LSAMP: variants seen among roughly 807,000 people sequenced by gnomAD.
LSAMP encodes limbic system-associated membrane protein.
LSAMP carries 7 observed loss-of-function variants against 38.6 expected under a neutral mutation model. The ratio of observed to expected loss-of-function variants is 0.18; its 90% CI spans 0.10 to 0.34. The LOEUF is 0.34. Among genes scored for constraint, LSAMP ranks in the 10% least tolerant of loss-of-function variants. The probability of loss-of-function intolerance (pLI) is 1.00; values close to 1 mark genes in which losing one functional copy is unlikely to be tolerated. For synonymous variants in LSAMP, 154 were observed against 166.8 expected, an observed-to-expected ratio of 0.92 and a Z score of 0.59; for missense variants, 313 against 420.0, an observed-to-expected ratio of 0.75 and a Z score of 2.23.
chr3:116,003,668 T>C (rs887595271), intron 3 of LSAMP, among the ~76,000 whole-genome samples: 2 of 151,964 alleles, frequency 1.3e-5, no homozygotes, highest in Non-Finnish European at 2.9e-5. Flanking sequence ...CTAAATCCAA[T>C]GATGTTAATA....
chr3:115,934,729 T>C (rs1385279405), intron 3 of LSAMP, among the ~76,000 whole-genome samples: 3 of 152,194 alleles, frequency 2.0e-5, no homozygotes, highest in Admixed American at 2.0e-4. Flanking sequence ...GAAGAATGAT[T>C]CTGGGTTTGT....
chr3:115,901,853 G>C (rs1450693909), intron 3 of LSAMP, among the ~76,000 whole-genome samples: 2 of 151,906 alleles, frequency 1.3e-5, no homozygotes, highest in Non-Finnish European at 2.9e-5. Flanking sequence ...ACACATATGG[G>C]TTGTTTACAA....
chr3:115,922,464 G>A (rs1018810027), intron 3 of LSAMP, among the ~76,000 whole-genome samples: 1 of 151,858 alleles, frequency 6.6e-6, no homozygotes, highest in African/African-American at 2.4e-5. Context: ...TTCTCATTTT[G>A]TTCATCATTA....
At chr3:116,426,466 A>T (rs901130300) in intron 1 of LSAMP, among the ~76,000 whole-genome samples, 2 of 150,370 alleles carry the variant, frequency 1.3e-5, no homozygotes, top group Non-Finnish European at 3.0e-5. Flanking sequence ...CGTCTCAAAA[A>T]AAAAAAAAAA....
intron 1 of LSAMP, among the ~76,000 whole-genome samples, chr3:116,381,971 A>G (rs570355329): frequency 1.3e-5 from 2 of 152,252 alleles, no homozygotes; most frequent in Non-Finnish European, 2.9e-5. Context: ...ACAAAAAAAT[A>G]GTTTTTATAT....
chr3:115,980,164 A>G (rs1349578989), intron 3 of LSAMP, among the ~76,000 whole-genome samples: 1 of 152,158 alleles, frequency 6.6e-6, no homozygotes, highest in African/African-American at 2.4e-5. Context: ...TTCATGAAGT[A>G]AAATATTCTT....
intron 1 of LSAMP, among the ~76,000 whole-genome samples, chr3:116,418,768 A>G (rs2049084538): frequency 6.6e-6 from 1 of 152,182 alleles, no homozygotes; most frequent in Non-Finnish European, 1.5e-5. Flanking sequence ...CAGATAGATA[A>G]ATAGATAGAT....
chr3:115,983,876 C>A (rs1038149638), intron 3 of LSAMP, among the ~76,000 whole-genome samples: 1 of 151,956 alleles, frequency 6.6e-6, no homozygotes, highest in Non-Finnish European at 1.5e-5. Context: ...GATGTTGGCA[C>A]AAAAGTGGCA....
Position 116,221,608 on chromosome 3 carries a change from CTGTT to C in LSAMP, c.156-135056_156-135053del, listed in dbSNP as rs562123356. On this transcript the variant is annotated intron_variant, in intron 1 of 6. Transcript: ENST00000490035. ...GACAGAAAAATCTAGAAAAGTCTCT[CTGTT>C]TGTGTGAGAAAGGCAGAACCTTCAT... Among the ~76,000 whole-genome samples, 514 of 152,264 alleles carry C rather than the reference CTGTT, an allele frequency of 3.4e-3. 3 individuals carry two copies. The highest frequency in any genetic ancestry group is 0.012 in the African/African-American group (481 of 41,542).
chr3:116,166,991 C>T (rs935517716), intron 1 of LSAMP, among the ~76,000 whole-genome samples: 1 of 152,002 alleles, frequency 6.6e-6, no homozygotes, highest in Non-Finnish European at 1.5e-5. Flanking sequence ...CGGGGTTTCA[C>T]CGTGTTAGCC....
At chr3:116,298,267 G>A (rs536024762) in intron 1 of LSAMP, among the ~76,000 whole-genome samples, 5 of 152,222 alleles carry the variant, frequency 3.3e-5, no homozygotes, top group Non-Finnish European at 5.9e-5. Context: ...GCAGAGCCAC[G>A]GACAGAAGGG....
chr3:116,138,895 A>G (rs374233018), intron 1 of LSAMP, among the ~76,000 whole-genome samples: 1 of 150,974 alleles, frequency 6.6e-6, no homozygotes, highest in African/African-American at 2.4e-5. Context: ...AAAGCAATCT[A>G]TGGTTGTTGT....
chr3:116,095,333 CT>C (rs980503198), intron 1 of LSAMP, among the ~76,000 whole-genome samples: 3 of 152,192 alleles, frequency 2.0e-5, no homozygotes, highest in African/African-American at 7.2e-5. Context: ...CATAGACATG[CT>C]TTTTGTCTCT....
chr3:116,158,953 CA>C (rs1352743804), intron 1 of LSAMP, among the ~76,000 whole-genome samples: 2 of 151,864 alleles, frequency 1.3e-5, no homozygotes, highest in African/African-American at 2.4e-5. Flanking sequence ...AAACAAAAAA[CA>C]AAGCTGGAGG....
chr3:116,430,676 AAT>A (rs996387219), intron 1 of LSAMP, among the ~76,000 whole-genome samples: 1 of 152,022 alleles, frequency 6.6e-6, no homozygotes, highest in African/African-American at 2.4e-5. Context: ...TGAGAAGTTT[AAT>A]ATCATTATTA....
chr3:116,264,702 A>C (rs2046870943), intron 1 of LSAMP, among the ~76,000 whole-genome samples: 1 of 152,282 alleles, frequency 6.6e-6, no homozygotes, highest in African/African-American at 2.4e-5. Context: ...CCTGGGCTCA[A>C]GCAATCCTCC....
chr3:116,297,199 A>C (rs1346843412), intron 1 of LSAMP, among the ~76,000 whole-genome samples: 1 of 152,214 alleles, frequency 6.6e-6, no homozygotes, highest in Non-Finnish European at 1.5e-5. Context: ...GAGATTGGCT[A>C]TATAGATAGA....
chr3:115,984,776 G>A (rs368019191), intron 3 of LSAMP, among the ~76,000 whole-genome samples: 1 of 152,176 alleles, frequency 6.6e-6, no homozygotes, highest in Admixed American at 6.6e-5. Context: ...TTACAGTAAA[G>A]TTATGCATAC....
intron 2 of LSAMP, among the ~76,000 whole-genome samples, chr3:116,054,981 T>A (rs1164005116): frequency 6.6e-6 from 1 of 152,176 alleles, no homozygotes; most frequent in Non-Finnish European, 1.5e-5. Flanking sequence ...ACAGCTGATA[T>A]AAGAATGTAG....
Sources: gnomAD v4.1 joint callset for allele counts (sites outside exome capture counted in the v4.1 genomes callset) on GRCh38, gnomAD v4.1.1 for gene constraint, MANE v1.5 for transcripts, NCBI Gene and HGNC (gene_info 2026-07-23, HGNC 2026-07-21) for gene names.